Variants in SNX25 observed in about 807,000 individuals in gnomAD.
SNX25 encodes the protein sorting nexin-25.
Under a neutral mutation model 113.7 loss-of-function variants are expected in SNX25, and 62 were observed. That is an observed-to-expected ratio of 0.55 (90% CI 0.44 to 0.67). The LOEUF (loss-of-function observed/expected upper bound fraction) is 0.67. SNX25 is among the 30% of genes least tolerant of loss of function. SNX25 has a pLI of 0.00. For synonymous variants in SNX25, 421 were observed against 436.2 expected (o/e 0.97, Z 0.43); for missense variants, 1,014 against 1,161.0 (o/e 0.87, Z 1.84).
intron 5 of SNX25, among the ~76,000 whole-genome samples, chr4:185,273,984 C>A (rs1212362627): frequency 6.6e-6 from 1 of 151,712 alleles, no homozygotes; most frequent in African/African-American, 2.4e-5. Flanking sequence ...AGGGTGGATT[C>A]TAGAATTTCA....
At chr4:185,273,016 G>C (rs1468925713) in intron 5 of SNX25, among the ~76,000 whole-genome samples, 1 of 152,132 alleles carries the variant, frequency 6.6e-6, no homozygotes, top group Non-Finnish European at 1.5e-5. Flanking sequence ...GTATTCTGCT[G>C]TACCCTTACA....
At chr4:185,371,740 G>A (rs1291219844), downstream of SNX25, among the ~76,000 whole-genome samples, 1 of 152,110 alleles carries the variant, frequency 6.6e-6, no homozygotes, top group African/African-American at 2.4e-5. Flanking sequence ...TAACTAAGAT[G>A]GGCACTTGCT....
At chr4:185,240,737 C>T (rs1483382685) in intron 1 of SNX25, among the ~76,000 whole-genome samples, 14 of 151,882 alleles carry the variant, frequency 9.2e-5, no homozygotes, top group Non-Finnish European at 1.9e-4. Flanking sequence ...GGCTGCCGGG[C>T]GGAGACGCTC....
chr4:185,210,532 A>G lies in SNX25; in HGVS notation c.429+277A>G, dbSNP rs1553979564. On this transcript the variant is annotated intron_variant, in intron 1 of 18. Coordinates refer to ENST00000652585, the MANE Select transcript of SNX25 (RefSeq NM_001378034.2). The surrounding 1 kb of genome is among the most constrained non-coding windows in gnomAD (Gnocchi z 4.4). ...TCACTCGACAACCATCCTCAGTCAC[A>G]ACCCTAAGGGTGTCCCCAGACCTTC... is the stretch of plus-strand genomic sequence containing the variant. 1.3e-5 allele frequency among the ~76,000 whole-genome samples: 2 copies of G among 152,148 alleles called. No homozygotes were observed. Among genetic ancestry groups the G allele is most frequent in the Non-Finnish European group, 2.9e-5 (2 of 68,026 alleles).
At chr4:185,361,399 T>C (rs1336412809) in intron 16 of SNX25, among the ~76,000 whole-genome samples, 1 of 152,162 alleles carries the variant, frequency 6.6e-6, no homozygotes, top group Non-Finnish European at 1.5e-5. Context: ...TTAGTGCCAA[T>C]GACAAAATTA....
At chr4:185,270,744 C>T (rs1344551819) in intron 5 of SNX25, among the ~76,000 whole-genome samples, 1 of 152,220 alleles carries the variant, frequency 6.6e-6, no homozygotes, top group Non-Finnish European at 1.5e-5. Context: ...ATGGATTTGC[C>T]TAGTCTGGAC....
At chr4:185,246,022 C>G (rs1455780369) in intron 1 of SNX25, among the ~76,000 whole-genome samples, 1 of 152,084 alleles carries the variant, frequency 6.6e-6, no homozygotes, top group Admixed American at 6.6e-5. Flanking sequence ...TGCGGTGGCT[C>G]ACGCCTGTAA....
intron 13 of SNX25, among the ~76,000 whole-genome samples, chr4:185,350,271 C>T (rs1316384652): frequency 1.3e-5 from 2 of 152,218 alleles, no homozygotes; most frequent in Non-Finnish European, 2.9e-5. Flanking sequence ...GGACCAACCC[C>T]TCTGGAACTA....
intron 2 of SNX25, among the ~76,000 whole-genome samples, chr4:185,256,312 ATTGT>A (rs1746419491): frequency 6.6e-6 from 1 of 152,186 alleles, no homozygotes; most frequent in Non-Finnish European, 1.5e-5. Context: ...CCTTTGTGTC[ATTGT>A]TTGTGAACAA....
intron 7 of SNX25, among the ~76,000 whole-genome samples, chr4:185,320,064 A>G (rs1389916291): frequency 6.6e-6 from 1 of 152,252 alleles, no homozygotes; most frequent in Non-Finnish European, 1.5e-5. Context: ...GGAAGACAGT[A>G]TGACGATTCC....
intron 9 of SNX25, 84 bp from the exon 10 acceptor site, chr4:185,332,511 T>C: frequency 7.6e-7 from 1 of 1,309,316 alleles, no homozygotes; most frequent in Non-Finnish European, 1.0e-6. Context: ...GAATGTAGTA[T>C]TTTGCAACAG....
In SNX25 at chr4:185,239,789, T is replaced by A. The variant is rs541064899; in HGVS notation, c.430-7505T>A. ...TTTTTTTTTTCTTTTTTTTTTTTTT[T>A]ATTGATCATTCTTGGGTGTTTCTCG... On this transcript the variant is annotated intron_variant, in intron 1 of 18. Coordinates refer to ENST00000652585, the MANE Select transcript of SNX25 (RefSeq NM_001378034.2). Among the ~76,000 whole-genome samples the A allele has an allele frequency of 2.2e-3, 303 of 135,106 alleles. 1 individual carries two copies. The highest frequency in any genetic ancestry group is 0.011 in the East Asian group (48 of 4,302). The allele number at this position is 135,106 out of a possible 152,430, so 88.6% of individuals were successfully genotyped here.
chr4:185,331,096 G>C (rs1475271596), intron 9 of SNX25, among the ~76,000 whole-genome samples: 1 of 152,214 alleles, frequency 6.6e-6, no homozygotes, highest in African/African-American at 2.4e-5. Context: ...AAAGAGGGCT[G>C]ATACATAACT....
chr4:185,285,331 C>T (rs1751193380), intron 5 of SNX25, among the ~76,000 whole-genome samples: 1 of 151,826 alleles, frequency 6.6e-6, no homozygotes, highest in South Asian at 2.1e-4. Flanking sequence ...GTGTTCATTT[C>T]TGTGTGTCTG....
chr4:185,256,009 A>G (rs1224829332), intron 2 of SNX25, among the ~76,000 whole-genome samples: 1 of 152,244 alleles, frequency 6.6e-6, no homozygotes, highest in Non-Finnish European at 1.5e-5. Flanking sequence ...CATAACAACC[A>G]TAGGTTCAAA....
intron 15 of SNX25, among the ~76,000 whole-genome samples, chr4:185,355,216 G>GA (rs1272450302): frequency 2.6e-5 from 4 of 152,252 alleles, no homozygotes; most frequent in Admixed American, 6.5e-5. Flanking sequence ...ACTGATGAGT[G>GA]AATAGGCAAG....
chr4:185,369,769 T>C (rs1166379258), exon 12 of SNX25: 2 of 447,662 alleles, frequency 4.5e-6, no homozygotes, highest in Admixed American at 4.9e-5. Context: ...ACAAATACGC[T>C]TCTGTCTCCT....
intron 6 of SNX25, among the ~76,000 whole-genome samples, chr4:185,293,036 C>A (rs1478743339): frequency 6.6e-6 from 1 of 152,144 alleles, no homozygotes; most frequent in Non-Finnish European, 1.5e-5. Context: ...AGGTTGTATC[C>A]ATAACATATA....
At chr4:185,257,237 C>T (rs889893976) in intron 2 of SNX25, among the ~76,000 whole-genome samples, 1 of 151,506 alleles carries the variant, frequency 6.6e-6, no homozygotes, top group Non-Finnish European at 1.5e-5. Context: ...CCTTGGTACC[C>T]TCGAGTTGGA....
Sources: allele counts gnomAD v4.1 joint callset (sites outside exome capture counted in the v4.1 genomes callset), GRCh38; gene constraint gnomAD v4.1.1; non-coding constraint Gnocchi (gnomAD v3.1); transcripts MANE v1.5; gene names NCBI Gene and HGNC (gene_info 2026-07-23, HGNC 2026-07-21).